Variants in MPPE1 observed in about 807,000 individuals in gnomAD.
The protein encoded by MPPE1 is metallophosphoesterase 1, also known as metallo phosphoesterase.
In MPPE1, 28 loss-of-function variants were observed where a neutral mutation model predicts 43.8. The ratio of observed to expected loss-of-function variants is 0.64; its 90% CI spans 0.47 to 0.88. MPPE1 has a LOEUF of 0.88. MPPE1 is among the 40% of genes least tolerant of loss of function. The pLI is 0.00. For synonymous variants in MPPE1, 159 were observed against 188.5 expected (o/e 0.84, Z 1.28); for missense variants, 428 against 492.2 (o/e 0.87, Z 1.23).
At chr18:11,894,431 C>CA (rs66687820) in intron 3 of MPPE1, among the ~76,000 whole-genome samples, 13,003 of 64,666 alleles carry the variant, frequency 0.2, 1,973 homozygotes, top group Non-Finnish European at 0.3. Flanking sequence ...GACTCCATCT[C>CA]AAAAAAAAAA....
chr18:11,907,410 C>G (rs1203821171), intron 1 of MPPE1, among the ~76,000 whole-genome samples: 2 of 152,140 alleles, frequency 1.3e-5, no homozygotes, highest in African/African-American at 4.8e-5. Flanking sequence ...ATGCATAAAA[C>G]CACACTGGGC....
chr18:11,893,811 T>C (rs1052475886), intron 3 of MPPE1, among the ~76,000 whole-genome samples: 1 of 152,084 alleles, frequency 6.6e-6, no homozygotes, highest in Admixed American at 6.5e-5. Context: ...CCAGACACTG[T>C]GGTGTGCAGG....
chr18:11,893,780 C>T (rs538113901), intron 3 of MPPE1, among the ~76,000 whole-genome samples: 13 of 152,164 alleles, frequency 8.5e-5, no homozygotes, highest in African/African-American at 7.2e-5. Flanking sequence ...GAGAAGAGTC[C>T]GGCCATCCCT....
intron 3 of MPPE1, among the ~76,000 whole-genome samples, chr18:11,893,968 G>A (rs1327318493): frequency 1.3e-5 from 2 of 152,182 alleles, no homozygotes; most frequent in African/African-American, 2.4e-5. Context: ...CTTAATTTTA[G>A]CTTCTTATTA....
intron 2 of MPPE1, among the ~76,000 whole-genome samples, chr18:11,904,216 G>A (rs2039476207): frequency 6.6e-6 from 1 of 152,194 alleles, no homozygotes; most frequent in Admixed American, 6.5e-5. Flanking sequence ...GACAGAGAAA[G>A]AGAGCAAGCA....
chr18:11,905,870 CA>C (rs2039668032), intron 2 of MPPE1: 2 of 152,212 alleles, frequency 1.3e-5, no homozygotes, highest in African/African-American at 4.8e-5. Context: ...GGAAAGTAGC[CA>C]AATGGCAGCG....
At chr18:11,906,746 C>A (rs1035852802) in intron 1 of MPPE1, among the ~76,000 whole-genome samples, 1 of 151,452 alleles carries the variant, frequency 6.6e-6, no homozygotes, top group African/African-American at 2.4e-5. Flanking sequence ...CCCAGCTACT[C>A]GGGAGGCTGA....
Position 11,882,696 on chromosome 18 carries a change from A to AG in MPPE1, c.*1748_*1749insC, listed in dbSNP as rs1375927549. 4 of 151,910 alleles carry AG rather than the reference A, an allele frequency of 2.6e-5. No homozygotes were observed. The highest frequency in any genetic ancestry group is 4.8e-5 in the African/African-American group (2 of 41,334). 9.4% of individuals were successfully genotyped at this position (151,910 alleles called of 1,614,324 possible). On this transcript the variant is annotated 3_prime_UTR_variant, in exon 11 of 11. Coordinates refer to ENST00000588072, the MANE Select transcript of MPPE1 (RefSeq NM_023075.6). ...GTGAGACTCAGGCCAAAAAAAAAAA[A>AG]AAAAAAAACCTTGACGTGTCAATGT...
At position 11,888,734 on chromosome 18, in the gene MPPE1, T is replaced by G; in HGVS notation, c.504A>C (p.Thr168=). 1 of 1,592,512 alleles carries G rather than the reference T, an allele frequency of 6.3e-7. No individual in the cohort carries two copies. Among genetic ancestry groups the G allele is most frequent in the Non-Finnish European group, 8.5e-7 (1 of 1,170,966 alleles). ...CTTTCTCAAAGCGTTCTACTTTGTA[T>G]GTGTTCATCCTATATTCAATTGTGA... ...HDIGFHYEMN[T]YKVERFEKVF... Residue 168 remains threonine, a synonymous_variant, in exon 6 of 11, where the codon ACA becomes ACC. Transcript: ENST00000588072.
At chr18:11,898,828 T>A (rs2038854044) in intron 2 of MPPE1, among the ~76,000 whole-genome samples, 1 of 151,948 alleles carries the variant, frequency 6.6e-6, no homozygotes, top group South Asian at 2.1e-4. Flanking sequence ...AAATTGTCCA[T>A]AAAAACCCTA....
At chr18:11,902,237 A>G (rs1567973938) in intron 2 of MPPE1, 1 of 74,764 alleles carries the variant, frequency 1.3e-5, no homozygotes, top group Non-Finnish European at 2.2e-5. Flanking sequence ...CATAGAGGAG[A>G]AGCAGCAGTG....
intron 2 of MPPE1, chr18:11,905,319 C>CAA (rs200790958): frequency 4.7e-5 from 7 of 150,010 alleles, no homozygotes; most frequent in African/African-American, 1.3e-4. Flanking sequence ...CAAAACAAAA[C>CAA]AAAACAAAAA....
chr18:11,900,820 T>C (rs1170982849), intron 2 of MPPE1, among the ~76,000 whole-genome samples: 2 of 150,192 alleles, frequency 1.3e-5, no homozygotes, highest in Non-Finnish European at 2.9e-5. Context: ...GGCAGGAGAA[T>C]GGCGTGAACC....
At chr18:11,907,071 T>C (rs572562734) in intron 1 of MPPE1, among the ~76,000 whole-genome samples, 1 of 152,174 alleles carries the variant, frequency 6.6e-6, no homozygotes, top group Admixed American at 6.5e-5. Flanking sequence ...TGATGGGAAG[T>C]GGGGGTGGAA....
rs2036775116 is a variant in MPPE1 at position 11,883,556 on chromosome 18, A to C, written c.*889T>G. 1 of 153,658 alleles carries C rather than the reference A, an allele frequency of 6.5e-6. No individual in the cohort carries two copies. Among genetic ancestry groups the C allele is most frequent in the Non-Finnish European group, 1.5e-5 (1 of 68,042 alleles). 9.5% of individuals were successfully genotyped at this position (153,658 alleles called of 1,614,324 possible). On this transcript the variant is annotated 3_prime_UTR_variant, in exon 11 of 11. Coordinates refer to ENST00000588072, the MANE Select transcript of MPPE1 (RefSeq NM_023075.6). ...TCCACTTTTTAAGTTTCTTTTGATC[A>C]CTGACAGGCATTAACAGATGTAGCA... is the stretch of plus-strand genomic sequence containing the variant.
At position 11,894,431 on chromosome 18, in the gene MPPE1, C is replaced by CAA. The variant is rs66687820; in HGVS notation, c.282-857_282-856dup. Among the ~76,000 whole-genome samples the CAA allele has an allele frequency of 8.0e-3, 518 of 64,776 alleles. 4 individuals carry two copies. Among genetic ancestry groups the CAA allele is most frequent in the Non-Finnish European group, 0.01 (328 of 32,716 alleles). The allele number at this position is 64,776 out of a possible 152,430, so 42.5% of individuals were successfully genotyped here. ...TGGGTGACAGAGCGAGACTCCATCT[C>CAA]AAAAAAAAAAAAAAAAAAAAAAAAC... On this transcript the variant is annotated intron_variant, in intron 3 of 10. Coordinates refer to ENST00000588072, the MANE Select transcript of MPPE1 (RefSeq NM_023075.6).
At position 11,885,805 on chromosome 18, in the gene MPPE1, C is replaced by A. The variant is rs777338026; in HGVS notation, c.879G>T (p.Trp293Cys). Residue 293 changes from tryptophan to cysteine, a missense_variant, in exon 10 of 11, where the codon TGG (tryptophan) becomes TGT (cysteine). This residue lies in a region of MPPE1 where 379 missense variants were observed against 402.5 expected (regional missense o/e 0.94). Coordinates refer to ENST00000588072, the MANE Select transcript of MPPE1 (RefSeq NM_023075.6). ...CACTGAGAACCAGGCGCGGCTGGAGCCACCACAGCAGCTGACAGTGGCCGA... is the reference window on the plus strand; with the variant it reads ...CACTGAGAACCAGGCGCGGCTGGAGACACCACAGCAGCTGACAGTGGCCGA... ...SREASQKLLWWLQPRLVLSGH... is the reference protein window; with the variant it reads ...SREASQKLLWCLQPRLVLSGH... 6.2e-7 allele frequency: 1 copy of A among 1,608,356 alleles called. No homozygotes were observed. Among genetic ancestry groups the A allele is most frequent in the Non-Finnish European group, 8.5e-7 (1 of 1,175,892 alleles).
chr18:11,896,858 C>T, intron 3 of MPPE1, 126 bp downstream of exon 3: 1 of 878,512 alleles, frequency 1.1e-6, no homozygotes, highest in East Asian at 2.7e-5. Flanking sequence ...TCAAATGTCC[C>T]TAAATGTCCT....
At chr18:11,895,543 CTT>C (rs10714864) in intron 3 of MPPE1, among the ~76,000 whole-genome samples, 29 of 147,100 alleles carry the variant, frequency 2.0e-4, no homozygotes, top group East Asian at 4.0e-4. Flanking sequence ...TTTTATTTTA[CTT>C]TTTTTTTTTT....
Sources: allele counts gnomAD v4.1 joint callset (sites outside exome capture counted in the v4.1 genomes callset), GRCh38; gene constraint gnomAD v4.1.1; regional missense constraint gnomAD v4.1.1; transcripts MANE v1.5; gene names NCBI Gene and HGNC (gene_info 2026-07-23, HGNC 2026-07-21).